THSD7B: variants seen among roughly 807,000 people sequenced by gnomAD.
THSD7B encodes thrombospondin type-1 domain-containing protein 7B.
In THSD7B, 138 loss-of-function variants were observed where a neutral mutation model predicts 213.6. The ratio of observed to expected loss-of-function variants is 0.65; its 90% CI spans 0.56 to 0.74. The LOEUF (loss-of-function observed/expected upper bound fraction) is 0.74. THSD7B is among the 30% of genes least tolerant of loss of function. The pLI is 0.00. For missense variants in THSD7B, 1,931 were observed against 1,991.5 expected (o/e 0.97, Z 0.58); for synonymous variants, 742 against 687.0 (o/e 1.08, Z -1.25).
chr2:137,147,127 T>G (rs1191255484), intron 5 of THSD7B, among the ~76,000 whole-genome samples: 11 of 152,142 alleles, frequency 7.2e-5, no homozygotes, highest in Admixed American at 7.2e-4. Flanking sequence ...TTCTGTTGGT[T>G]TAGACAGGTT....
chr2:137,350,925 T>C (rs1012511656), intron 12 of THSD7B, among the ~76,000 whole-genome samples: 4 of 151,790 alleles, frequency 2.6e-5, no homozygotes, highest in Non-Finnish European at 5.9e-5. Context: ...GTTGTGAGAG[T>C]AGAGCAGGAC....
At chr2:137,153,405 A>C (rs889157277) in intron 5 of THSD7B, among the ~76,000 whole-genome samples, 1 of 152,168 alleles carries the variant, frequency 6.6e-6, no homozygotes, top group Non-Finnish European at 1.5e-5. Flanking sequence ...TTATTTTTAT[A>C]TATTAAATCT....
chr2:136,933,820 T>C, intron 2 of THSD7B, among the ~76,000 whole-genome samples: 1 of 152,222 alleles, frequency 6.6e-6, no homozygotes, highest in African/African-American at 2.4e-5. Context: ...ATATTGAACC[T>C]AACTGAAAAT....
At chr2:136,857,087 A>G (rs528521042) in intron 1 of THSD7B, among the ~76,000 whole-genome samples, 1 of 152,324 alleles carries the variant, frequency 6.6e-6, no homozygotes, top group South Asian at 2.1e-4. Context: ...TTTCATTTCT[A>G]CAATATCAGG....
intron 12 of THSD7B, among the ~76,000 whole-genome samples, chr2:137,395,379 T>C (rs1686152691): frequency 6.7e-6 from 1 of 150,074 alleles, no homozygotes; most frequent in African/African-American, 2.4e-5. Flanking sequence ...TGAAGGGTTG[T>C]TGAATTTTGT....
intron 7 of THSD7B, among the ~76,000 whole-genome samples, chr2:137,176,827 A>C (rs1393366478): frequency 6.6e-6 from 1 of 152,136 alleles, no homozygotes; most frequent in African/African-American, 2.4e-5. Flanking sequence ...CTGTTTCCTT[A>C]TTGATTACCT....
At chr2:136,965,564 G>A (rs914328672) in intron 2 of THSD7B, among the ~76,000 whole-genome samples, 1 of 152,078 alleles carries the variant, frequency 6.6e-6, no homozygotes, top group Non-Finnish European at 1.5e-5. Context: ...TAATGAAACC[G>A]CTTTCCTGAA....
chr2:137,579,915 A>G (rs932627023), intron 17 of THSD7B, among the ~76,000 whole-genome samples: 1 of 152,146 alleles, frequency 6.6e-6, no homozygotes, highest in African/African-American at 2.4e-5. Context: ...ATTCCTGGAA[A>G]GAGTTTTATA....
chr2:137,626,440 G>A (rs1459136720), intron 20 of THSD7B, among the ~76,000 whole-genome samples: 1 of 146,146 alleles, frequency 6.8e-6, no homozygotes, highest in African/African-American at 2.6e-5. Context: ...GTAGCGCCTG[G>A]GCAAAAGAGC....
chr2:136,795,952 T>A (rs534012904), intron 1 of THSD7B, among the ~76,000 whole-genome samples: 2 of 152,080 alleles, frequency 1.3e-5, no homozygotes, highest in East Asian at 3.9e-4. Flanking sequence ...GTGAGTCTGC[T>A]TTTATTTTTT....
At position 137,063,988 on chromosome 2, in the gene THSD7B, A is replaced by C. The variant is rs758196714; in HGVS notation, c.950+6758A>C. On this transcript the variant is annotated intron_variant, in intron 3 of 27. Transcript: ENST00000409968. ...CTCCAGTAAATATGGGAGTTCAGCTATCTCTTTTATGTACTGATTTCCTTT... is the reference window on the plus strand; with the variant it reads ...CTCCAGTAAATATGGGAGTTCAGCTCTCTCTTTTATGTACTGATTTCCTTT... Among the ~76,000 whole-genome samples, 20 of 152,012 alleles carry C rather than the reference A, an allele frequency of 1.3e-4. No individual in the cohort carries two copies. In the East Asian group the frequency reaches 2.1e-3, roughly 16 times the overall value.
intron 1 of THSD7B, among the ~76,000 whole-genome samples, chr2:136,806,370 T>A (rs1220598990): frequency 6.6e-6 from 1 of 152,138 alleles, no homozygotes; most frequent in Non-Finnish European, 1.5e-5. Flanking sequence ...GTCTGTAAAA[T>A]GTGAGAAAAA....
At chr2:137,670,666 A>T (rs955767347) in intron 27 of THSD7B, among the ~76,000 whole-genome samples, 3 of 152,152 alleles carry the variant, frequency 2.0e-5, no homozygotes, top group African/African-American at 7.2e-5. Flanking sequence ...TCATGCCTGT[A>T]ATCCCAGCAC....
At chr2:137,297,697 T>A (rs2104841942) in intron 12 of THSD7B, among the ~76,000 whole-genome samples, 1 of 152,180 alleles carries the variant, frequency 6.6e-6, no homozygotes, top group African/African-American at 2.4e-5. Flanking sequence ...GGGGACAGTC[T>A]TTCCTGTGCT....
intron 12 of THSD7B, among the ~76,000 whole-genome samples, chr2:137,305,327 T>C (rs886718398): frequency 1.3e-5 from 2 of 152,096 alleles, no homozygotes; most frequent in African/African-American, 2.4e-5. Context: ...AACTGGTCAA[T>C]CAGTCTTTGT....
chr2:137,126,855 T>G (rs188522842), intron 5 of THSD7B, among the ~76,000 whole-genome samples: 10 of 152,122 alleles, frequency 6.6e-5, no homozygotes, highest in Non-Finnish European at 1.5e-4. Context: ...GGTTATTAAT[T>G]GGCCTAATTT....
chr2:136,875,358 G>A (rs1258952902), intron 1 of THSD7B, among the ~76,000 whole-genome samples: 1 of 152,164 alleles, frequency 6.6e-6, no homozygotes, highest in Non-Finnish European at 1.5e-5. Context: ...GGAGGAGGAG[G>A]CTACAGTGAG....
chr2:137,658,116 T>C (rs1683274308), intron 24 of THSD7B, among the ~76,000 whole-genome samples: 1 of 152,270 alleles, frequency 6.6e-6, no homozygotes, highest in South Asian at 2.1e-4. Context: ...GAAATGCCTA[T>C]AGGAATAGAA....
At chr2:137,150,194 A>G (rs1679787910) in intron 5 of THSD7B, among the ~76,000 whole-genome samples, 1 of 151,144 alleles carries the variant, frequency 6.6e-6, no homozygotes, top group African/African-American at 2.4e-5. Context: ...GTGAGCTGAG[A>G]TGGTGCCACT....
Sources: allele counts gnomAD v4.1 joint callset (sites outside exome capture counted in the v4.1 genomes callset), GRCh38; gene constraint gnomAD v4.1.1; transcripts MANE v1.5; gene names NCBI Gene and HGNC (gene_info 2026-07-23, HGNC 2026-07-21).